The following CSMD1 variants were observed in gnomAD, a reference collection of about 807,000 sequenced individuals.
The protein encoded by CSMD1 is CUB and sushi domain-containing protein 1.
Under a neutral mutation model 417.5 loss-of-function variants are expected in CSMD1, and 213 were observed. The ratio of observed to expected loss-of-function variants is 0.51; its 90% confidence interval spans 0.46 to 0.57. The LOEUF is 0.57. Ranked by LOEUF, CSMD1 falls within the 20% of genes least tolerant of loss-of-function variation. CSMD1 has a pLI of 0.00. For missense variants in CSMD1, 6,923 were observed against 4,529.7 expected (o/e 1.53, Z -15.17); for synonymous variants, 2,862 against 1,736.8 (o/e 1.65, Z -16.11).
At position 4,195,850 on chromosome 8, in the gene CSMD1, C is replaced by G. The variant is rs1189450738; in HGVS notation, c.416-163751G>C. Among the ~76,000 whole-genome samples, 6 of 152,222 alleles carry G rather than the reference C, an allele frequency of 3.9e-5. No individual in the cohort carries two copies. In the East Asian group the frequency reaches 9.7e-4, roughly 25 times the overall value. Reference sequence around the variant, plus strand: ...GATGAGGAGGCAGTGGAATTAACGCCTTGATCATAGCATGCGAGACTTACG... The same window carrying G: ...GATGAGGAGGCAGTGGAATTAACGCGTTGATCATAGCATGCGAGACTTACG... On this transcript the variant is annotated intron_variant, in intron 3 of 69. Coordinates refer to ENST00000635120, the MANE Select transcript of CSMD1 (RefSeq NM_033225.6).
chr8:4,804,063 C>T (rs115798725), intron 1 of CSMD1, among the ~76,000 whole-genome samples: 2 of 152,160 alleles, frequency 1.3e-5, no homozygotes, highest in Non-Finnish European at 1.5e-5. Context: ...GGGGTGTGTT[C>T]TATTTCATGG....
At chr8:4,130,069 CTGAG>C (rs1317465463) in intron 3 of CSMD1, among the ~76,000 whole-genome samples, 1 of 152,072 alleles carries the variant, frequency 6.6e-6, no homozygotes, top group African/African-American at 2.4e-5. Context: ...ATCGAACCTC[CTGAG>C]TGTGTGTGTG....
chr8:4,886,257 T>G (rs111418153), intron 1 of CSMD1, among the ~76,000 whole-genome samples: 1 of 152,120 alleles, frequency 6.6e-6, no homozygotes. Flanking sequence ...CTCAAAATGC[T>G]GGAATTTCTG....
At chr8:4,104,968 G>T (rs567093328) in intron 3 of CSMD1, among the ~76,000 whole-genome samples, 13 of 150,196 alleles carry the variant, frequency 8.7e-5, no homozygotes, top group African/African-American at 2.9e-4. Flanking sequence ...CTGCCAATTC[G>T]ATCATAATAG....
intron 2 of CSMD1, among the ~76,000 whole-genome samples, chr8:4,461,322 G>A (rs1331816543): frequency 6.6e-6 from 1 of 151,826 alleles, no homozygotes; most frequent in Non-Finnish European, 1.5e-5. Context: ...TCAGCAATAA[G>A]ACAAATTCTA....
rs139094321 is a variant in CSMD1, at chr8:4,278,450, T to C, written c.415+141503A>G. 6.6e-5 allele frequency among the ~76,000 whole-genome samples: 10 copies of C among 152,324 alleles called. 1 individual carries two copies. Among genetic ancestry groups the C allele is most frequent in the African/African-American group, 2.4e-4 (10 of 41,568 alleles). On this transcript the variant is annotated intron_variant, in intron 3 of 69. Transcript: ENST00000635120. The stretch of plus-strand genomic sequence containing the variant: ...TACATCTGATGCTGCTATAGCTATA[T>C]AAAATATAATTTTTTAACATGAAAG...
In CSMD1 at chr8:3,192,315, G is replaced by T. The variant is rs113988289; in HGVS notation, c.5195-2200C>A. On this transcript the variant is annotated intron_variant, in intron 33 of 69. Transcript: ENST00000635120. The stretch of plus-strand genomic sequence containing the variant: ...CTGAAACGTTTGGTGTTTCAGGTTT[G>T]GAATTCTTGTAGGTGTTGGAATATT... 3.4e-3 allele frequency among the ~76,000 whole-genome samples: 522 copies of T among 152,256 alleles called. 3 individuals carry two copies. Among genetic ancestry groups the T allele is most frequent in the African/African-American group, 0.012 (506 of 41,540 alleles).
At chr8:3,887,285 C>G (rs908188397) in intron 5 of CSMD1, among the ~76,000 whole-genome samples, 1 of 152,116 alleles carries the variant, frequency 6.6e-6, no homozygotes, top group African/African-American at 2.4e-5. Context: ...CCTGGGAGGC[C>G]CACGGTACAT....
At position 4,292,269 on chromosome 8, in the gene CSMD1, T is replaced by C. The variant is rs186576882; in HGVS notation, c.415+127684A>G. Among the ~76,000 whole-genome samples, 376 of 152,288 alleles carry C rather than the reference T, an allele frequency of 2.5e-3. 1 individual carries two copies. The highest frequency in any genetic ancestry group is 8.5e-3 in the African/African-American group (352 of 41,556). On this transcript the variant is annotated intron_variant, in intron 3 of 69. Coordinates refer to ENST00000635120, the MANE Select transcript of CSMD1 (RefSeq NM_033225.6). ...GTTGTTGTTGTTGTTTAGTTTTGTT[T>C]TGAGACAGAGTCTCGCTCTGTCGCC...
At chr8:3,624,671 T>A (rs530720831) in intron 7 of CSMD1, among the ~76,000 whole-genome samples, 220 of 152,266 alleles carry the variant, frequency 1.4e-3, no homozygotes, top group African/African-American at 5.0e-3. Flanking sequence ...AGTAGCAGTC[T>A]CCCCAGTGTA....
chr8:4,889,500 T>C (rs1421176683), intron 1 of CSMD1, among the ~76,000 whole-genome samples: 1 of 152,082 alleles, frequency 6.6e-6, no homozygotes, highest in Non-Finnish European at 1.5e-5. Context: ...CTTATATCCT[T>C]GTGATATGTT....
chr8:4,895,484 A>G (rs6558935), intron 1 of CSMD1, among the ~76,000 whole-genome samples: 135,654 of 152,152 alleles, frequency 0.89, 60,994 homozygotes, highest in East Asian at 0.97. Context: ...TTTGTCTAGT[A>G]CATGTTTTCT....
At chr8:4,274,520 A>G (rs1314852476) in intron 3 of CSMD1, among the ~76,000 whole-genome samples, 1 of 152,192 alleles carries the variant, frequency 6.6e-6, no homozygotes, top group African/African-American at 2.4e-5. Flanking sequence ...ATATTTGTTT[A>G]GTCCACAAAT....
At chr8:4,743,267 A>T (rs1810739419) in intron 1 of CSMD1, among the ~76,000 whole-genome samples, 1 of 152,180 alleles carries the variant, frequency 6.6e-6, no homozygotes, top group African/African-American at 2.4e-5. Flanking sequence ...AATTTGATGA[A>T]GGACCAAATT....
At chr8:3,294,795 G>C (rs1260505499) in intron 25 of CSMD1, among the ~76,000 whole-genome samples, 3 of 152,112 alleles carry the variant, frequency 2.0e-5, no homozygotes, top group Non-Finnish European at 4.4e-5. Context: ...GCCTCCCCCT[G>C]CTTTGGCTCC....
chr8:3,445,733 T>G (rs1236368876), intron 12 of CSMD1, among the ~76,000 whole-genome samples: 1 of 152,008 alleles, frequency 6.6e-6, no homozygotes, highest in Non-Finnish European at 1.5e-5. Context: ...TTTATTCGAA[T>G]AAAGTCCACA....
intron 5 of CSMD1, among the ~76,000 whole-genome samples, chr8:3,776,230 T>C (rs1208911872): frequency 1.3e-5 from 2 of 152,206 alleles, no homozygotes; most frequent in South Asian, 2.1e-4. Context: ...CTCATCCGGA[T>C]GGAGGTCACA....
chr8:4,973,648 C>T (rs777811909), intron 1 of CSMD1, among the ~76,000 whole-genome samples: 8 of 152,160 alleles, frequency 5.3e-5, no homozygotes, highest in Non-Finnish European at 7.3e-5. Flanking sequence ...CCATTAAGTA[C>T]ACTCTATTGA....
intron 3 of CSMD1, among the ~76,000 whole-genome samples, chr8:4,152,928 C>G (rs1315696707): frequency 1.3e-5 from 2 of 152,098 alleles, no homozygotes; most frequent in East Asian, 1.9e-4. Flanking sequence ...GGTGTATACT[C>G]TATCCTCTTC....
Sources: allele counts gnomAD v4.1 joint callset (sites outside exome capture counted in the v4.1 genomes callset), GRCh38; gene constraint gnomAD v4.1.1; transcripts MANE v1.5; gene names NCBI Gene and HGNC (gene_info 2026-07-23, HGNC 2026-07-21).